The following RSU1 variants were observed in gnomAD, a reference collection of about 807,000 sequenced individuals.
The protein encoded by RSU1 is Ras suppressor protein 1.
Under a neutral mutation model 31.1 loss-of-function variants are expected in RSU1, and 26 were observed. That is an observed-to-expected ratio of 0.84 (90% confidence interval 0.61 to 1.16). The LOEUF (loss-of-function observed/expected upper bound fraction) is 1.16, where lower values mean the gene tolerates loss of function less well. Ranked by LOEUF, RSU1 falls within the 50% of genes most tolerant of loss-of-function variation. The pLI is 0.00. For synonymous variants in RSU1, 164 were observed against 136.3 expected (o/e 1.20, Z -1.41); for missense variants, 320 against 339.1 (o/e 0.94, Z 0.44).
Position 16,695,154 on chromosome 10 carries a change from TC to T in RSU1, c.599del (p.Gly200GlufsTer5). 2 of 1,072,514 alleles carry T rather than the reference TC, an allele frequency of 1.9e-6. No individual in the cohort carries two copies. The highest frequency in any genetic ancestry group is 2.6e-6 in the Non-Finnish European group (2 of 775,192). 66.4% of individuals were successfully genotyped at this position (1,072,514 alleles called of 1,614,324 possible). ...GCTTCTGGCCAGTTAAATCCAAGTT[TC>T]CTGGGGGGGGGGAAAAAAAAAGTGA... ...NRLTVLPPEL[G>X]NLDLTGQKQV... On this transcript the variant is annotated frameshift_variant and splice_region_variant, in exon 8 of 9. Coordinates refer to ENST00000345264, the MANE Select transcript of RSU1 (RefSeq NM_012425.4). LOFTEE classifies it high-confidence loss of function.
chr10:16,644,742 C>G (rs1335570484), intron 8 of RSU1, among the ~76,000 whole-genome samples: 1 of 152,102 alleles, frequency 6.6e-6, no homozygotes, highest in Non-Finnish European at 1.5e-5. Flanking sequence ...ATATTCATAG[C>G]AGGAGGAAGT....
intron 8 of RSU1, among the ~76,000 whole-genome samples, chr10:16,618,391 G>A (rs1232077717): frequency 6.6e-6 from 1 of 152,220 alleles, no homozygotes; most frequent in African/African-American, 2.4e-5. Flanking sequence ...GTGTAAATTA[G>A]TTTAACCATT....
intron 7 of RSU1, among the ~76,000 whole-genome samples, chr10:16,705,128 T>G (rs1319412505): frequency 6.6e-6 from 1 of 152,206 alleles, no homozygotes; most frequent in Non-Finnish European, 1.5e-5. Context: ...ACAGCATTTT[T>G]TCTTTTGGAC....
intron 7 of RSU1, chr10:16,727,264 C>G (rs1836418799): frequency 2.6e-6 from 1 of 383,406 alleles, no homozygotes; most frequent in African/African-American, 2.1e-5. Flanking sequence ...GAGGAGATAA[C>G]TTGATTGGAG....
intron 3 of RSU1, among the ~76,000 whole-genome samples, chr10:16,775,317 C>A (rs1837505866): frequency 6.6e-6 from 1 of 152,154 alleles, no homozygotes; most frequent in Non-Finnish European, 1.5e-5. Context: ...TGGAAAGTGA[C>A]AGGCTTACAC....
At chr10:16,698,334 T>G (rs1206522505) in intron 7 of RSU1, among the ~76,000 whole-genome samples, 2 of 152,102 alleles carry the variant, frequency 1.3e-5, no homozygotes, top group African/African-American at 4.8e-5. Flanking sequence ...TAAAGACCCC[T>G]CCTTGAACTT....
intron 7 of RSU1, among the ~76,000 whole-genome samples, chr10:16,713,210 C>T (rs1057229204): frequency 3.3e-5 from 5 of 152,156 alleles, no homozygotes; most frequent in African/African-American, 1.2e-4. Flanking sequence ...CTGGGGACCT[C>T]TGAACTTGCT....
chr10:16,668,214 G>A (rs371680634), intron 8 of RSU1, among the ~76,000 whole-genome samples: 309 of 152,272 alleles, frequency 2.0e-3, no homozygotes, highest in African/African-American at 7.2e-3. Flanking sequence ...AGTATTCAAT[G>A]AACATTAGAT....
At chr10:16,690,762 T>A (rs1835532948) in intron 8 of RSU1, among the ~76,000 whole-genome samples, 1 of 152,146 alleles carries the variant, frequency 6.6e-6, no homozygotes, top group African/African-American at 2.4e-5. Flanking sequence ...AAGAAAACAT[T>A]CCGGTAAGTT....
intron 7 of RSU1, among the ~76,000 whole-genome samples, chr10:16,716,805 G>A (rs1053319579): frequency 3.3e-5 from 5 of 152,088 alleles, no homozygotes; most frequent in African/African-American, 1.2e-4. Flanking sequence ...TATGTAATAG[G>A]AGGAAATGAC....
chr10:16,730,444 A>T (rs1836485279), intron 7 of RSU1, among the ~76,000 whole-genome samples: 1 of 152,204 alleles, frequency 6.6e-6, no homozygotes, highest in South Asian at 2.1e-4. Context: ...CCGGAAGAGA[A>T]GTGCAGTGTC....
intron 7 of RSU1, among the ~76,000 whole-genome samples, chr10:16,726,356 C>T (rs1013068334): frequency 1.3e-5 from 2 of 151,204 alleles, no homozygotes. Context: ...CAACCTCAGC[C>T]TCCCAGGTTC....
chr10:16,617,690 A>G (rs956472429), intron 8 of RSU1, among the ~76,000 whole-genome samples: 1 of 152,200 alleles, frequency 6.6e-6, no homozygotes, highest in Non-Finnish European at 1.5e-5. Context: ...CCGCACACCT[A>G]CAACCATCTG....
intron 2 of RSU1, among the ~76,000 whole-genome samples, chr10:16,787,947 C>T (rs1837829332): frequency 6.6e-6 from 1 of 152,152 alleles, no homozygotes. Context: ...GGCTTTTAAA[C>T]AGAATCCTGA....
intron 4 of RSU1, 66 bp downstream of exon 4, chr10:16,764,323 CT>C: frequency 6.8e-7 from 1 of 1,480,362 alleles, no homozygotes; most frequent in Non-Finnish European, 9.0e-7. Flanking sequence ...AATCCCTCCC[CT>C]GGCCTTACCC....
chr10:16,684,760 A>G (rs1272820421), intron 8 of RSU1, among the ~76,000 whole-genome samples: 1 of 152,170 alleles, frequency 6.6e-6, no homozygotes, highest in Non-Finnish European at 1.5e-5. Context: ...AACGAATACA[A>G]ATAGTAAAGA....
At chr10:16,796,684 A>G (rs1455483535) in intron 2 of RSU1, among the ~76,000 whole-genome samples, 1 of 152,168 alleles carries the variant, frequency 6.6e-6, no homozygotes, top group East Asian at 1.9e-4. Context: ...TTTGAGGAGA[A>G]GCTTATTTTT....
chr10:16,670,721 T>A (rs760316311), intron 8 of RSU1, among the ~76,000 whole-genome samples: 4 of 152,198 alleles, frequency 2.6e-5, no homozygotes, highest in Non-Finnish European at 4.4e-5. Flanking sequence ...CTTTTTCTTC[T>A]GGTGTTCCCT....
At chr10:16,615,708 A>C (rs1833963723) in intron 8 of RSU1, among the ~76,000 whole-genome samples, 1 of 152,242 alleles carries the variant, frequency 6.6e-6, no homozygotes, top group South Asian at 2.1e-4. Flanking sequence ...TCAAATTAGA[A>C]CTTGGGATTA....
Sources: gnomAD v4.1 joint callset for allele counts (sites outside exome capture counted in the v4.1 genomes callset) on GRCh38, gnomAD v4.1.1 for gene constraint, MANE v1.5 for transcripts, NCBI Gene and HGNC (gene_info 2026-07-23, HGNC 2026-07-21) for gene names.